The following MYO3A variants were observed in gnomAD, a reference collection of about 807,000 sequenced individuals.
MYO3A encodes myosin-IIIa.
Under a neutral mutation model 192.7 loss-of-function variants are expected in MYO3A, and 180 were observed. That is an observed-to-expected ratio of 0.93 (90% CI 0.83 to 1.06). The LOEUF (loss-of-function observed/expected upper bound fraction) is 1.06. MYO3A is among the 50% of genes least tolerant of loss of function. MYO3A has a pLI of 0.00. For missense variants in MYO3A, 1,896 were observed against 1,905.0 expected (o/e 1.00, Z 0.09); for synonymous variants, 628 against 645.3 (o/e 0.97, Z 0.41).
At position 26,153,941 on chromosome 10, in the gene MYO3A, C is replaced by G. The variant is rs1197870304; in HGVS notation, c.2715+12C>G. 1 of 1,552,260 alleles carries G rather than the reference C, an allele frequency of 6.4e-7. No homozygotes were observed. Among genetic ancestry groups the G allele is most frequent in the Non-Finnish European group, 8.9e-7 (1 of 1,124,690 alleles). ...TCAACCTGGCAAAGGTAAGAAAATG[C>G]TTTTTTTCTTGGCAGTGAGTCTAAG... On this transcript the variant is annotated intron_variant, in intron 24 of 34. Transcript: ENST00000642920.
chr10:25,988,055 C>A (rs987308590), intron 4 of MYO3A, among the ~76,000 whole-genome samples: 3 of 152,134 alleles, frequency 2.0e-5, no homozygotes, highest in Non-Finnish European at 4.4e-5. Context: ...TTCACAGCCA[C>A]CTGGATGGAA....
At chr10:26,177,274 A>G (rs1482934160) in intron 31 of MYO3A, among the ~76,000 whole-genome samples, 1 of 152,180 alleles carries the variant, frequency 6.6e-6, no homozygotes, top group African/African-American at 2.4e-5. Context: ...ATTGTTATTG[A>G]ACTTTTTTCT....
At chr10:25,943,083 A>G (rs1836605527) in intron 2 of MYO3A, among the ~76,000 whole-genome samples, 1 of 151,946 alleles carries the variant, frequency 6.6e-6, no homozygotes, top group South Asian at 2.1e-4. Flanking sequence ...TTTAGCTCAT[A>G]TGTTTAAGTC....
chr10:26,040,541 G>T (rs1452420653), intron 10 of MYO3A, among the ~76,000 whole-genome samples: 6 of 152,078 alleles, frequency 3.9e-5, no homozygotes, highest in Admixed American at 6.5e-5. Context: ...GTTATCTTTT[G>T]TTTCCGAAGT....
At chr10:26,179,380 G>C (rs569543103) in intron 31 of MYO3A, among the ~76,000 whole-genome samples, 1 of 152,082 alleles carries the variant, frequency 6.6e-6, no homozygotes, top group Admixed American at 6.5e-5. Flanking sequence ...TGGGATTACA[G>C]GCTTGAGCCA....
intron 17 of MYO3A, among the ~76,000 whole-genome samples, chr10:26,101,701 C>T (rs1387410612): frequency 6.6e-6 from 1 of 152,140 alleles, no homozygotes; most frequent in African/African-American, 2.4e-5. Context: ...AAATTCTTTT[C>T]TTTAAGAATT....
At chr10:25,963,619 C>T (rs1350719502) in intron 4 of MYO3A, among the ~76,000 whole-genome samples, 1 of 152,138 alleles carries the variant, frequency 6.6e-6, no homozygotes, top group African/African-American at 2.4e-5. Flanking sequence ...TTCCTTCTTC[C>T]CTTTGGCAGT....
At chr10:25,947,673 G>A (rs12267363) in intron 2 of MYO3A, among the ~76,000 whole-genome samples, 3,410 of 152,144 alleles carry the variant, frequency 0.022, 155 homozygotes, top group African/African-American at 0.078. Flanking sequence ...GATTACAGGC[G>A]TGAGCCACTG....
chr10:26,088,401 G>T lies in MYO3A; in HGVS notation c.1558G>T (p.Ala520Ser), dbSNP rs749333783. 1.9e-6 allele frequency: 3 copies of T among 1,612,694 alleles called. No homozygotes were observed. The highest frequency in any genetic ancestry group is 1.7e-4 in the Middle Eastern group (1 of 6,060). Residue 520 changes from alanine to serine, a missense_variant, in exon 15 of 35, where the codon GCT becomes TCT. Ala to Ser is a moderately conservative substitution (Grantham distance 99, BLOSUM62 1). Coordinates refer to ENST00000642920, the MANE Select transcript of MYO3A (RefSeq NM_017433.5). ...GGAAAAATCCCGAGTTATCCACCAA[G>T]CTATGTAAGTTTATTTCAAATCTCT... ...LLEKSRVIHQ[A>S]IGEKNFHIFY...
chr10:26,209,953 A>C (rs1299361501), intron 34 of MYO3A, among the ~76,000 whole-genome samples: 1 of 152,088 alleles, frequency 6.6e-6, no homozygotes, highest in African/African-American at 2.4e-5. Flanking sequence ...AAATAAAAAA[A>C]GGAGCCAGGC....
intron 4 of MYO3A, among the ~76,000 whole-genome samples, chr10:25,961,955 AGGC>A (rs1174216022): frequency 6.6e-6 from 1 of 152,170 alleles, no homozygotes; most frequent in Admixed American, 6.6e-5. Flanking sequence ...TAACAGTGCT[AGGC>A]TTTTAATGTG....
chr10:26,058,638 A>G lies in MYO3A; in HGVS notation c.954-8337A>G, dbSNP rs558823536. ...TTTATAGGAAGTCTTGAAATTGCACAGTGTCAGTCCTCCAGCTTTTTCTCC... is the reference window on the plus strand; with the variant it reads ...TTTATAGGAAGTCTTGAAATTGCACGGTGTCAGTCCTCCAGCTTTTTCTCC... On this transcript the variant is annotated intron_variant, in intron 10 of 34. Coordinates refer to ENST00000642920, the MANE Select transcript of MYO3A (RefSeq NM_017433.5). Among the ~76,000 whole-genome samples, 3 of 152,348 alleles carry G rather than the reference A, an allele frequency of 2.0e-5. No homozygotes were observed. In the South Asian group the frequency reaches 6.2e-4, roughly 32 times the overall value.
intron 23 of MYO3A, among the ~76,000 whole-genome samples, chr10:26,148,922 GAAGA>G (rs567447315): frequency 1.3e-3 from 199 of 152,156 alleles, no homozygotes; most frequent in African/African-American, 4.5e-3. Context: ...TGTTGTCTGT[GAAGA>G]AAGAGTTTTG....
intron 31 of MYO3A, among the ~76,000 whole-genome samples, chr10:26,188,336 GTTGT>G (rs1439010596): frequency 1.8e-4 from 28 of 152,242 alleles, no homozygotes; most frequent in African/African-American, 5.5e-4. Flanking sequence ...TTTTGATGGG[GTTGT>G]TTGTTTTTTT....
intron 10 of MYO3A, among the ~76,000 whole-genome samples, chr10:26,062,779 C>T (rs1209744675): frequency 6.6e-6 from 1 of 151,774 alleles, no homozygotes; most frequent in Non-Finnish European, 1.5e-5. Flanking sequence ...CAGCAAGCTA[C>T]ACAGGAAAGA....
At chr10:26,047,115 C>T (rs894449242) in intron 10 of MYO3A, among the ~76,000 whole-genome samples, 2 of 152,100 alleles carry the variant, frequency 1.3e-5, no homozygotes, top group African/African-American at 2.4e-5. Context: ...AATATTTGTA[C>T]ATTTTCTTGT....
Position 25,952,131 on chromosome 10 carries a change from A to G in MYO3A, c.21A>G (p.Lys7=). 1 of 1,611,714 alleles carries G rather than the reference A, an allele frequency of 6.2e-7. No homozygotes were observed. The highest frequency in any genetic ancestry group is 8.5e-7 in the Non-Finnish European group (1 of 1,178,352). The change falls in exon 3 of 35, where the codon AAA becomes AAG. Residue 7 remains lysine (K), a synonymous_variant. Transcript: ENST00000642920. ...TTGAGATGTTTCCATTAATTGGAAA[A>G]ACAATCATCTTTGATAACTTTCCTG... The part of the protein sequence containing the change: MFPLIG[K]TIIFDNFPDP...
chr10:26,077,336 G>A (rs763798280), intron 14 of MYO3A, among the ~76,000 whole-genome samples: 1 of 135,410 alleles, frequency 7.4e-6, no homozygotes, highest in Non-Finnish European at 1.5e-5. Context: ...TTACTGATTT[G>A]TATATATTAA....
rs397517294 is a variant in MYO3A, at chr10:26,176,757, T to C, written c.4350T>C (p.Ile1450=). ...FILQKKLNEM[I]LSQQLKSLYL... is the part of the protein sequence containing the mutation. ...TGCAGAAAAAATTGAATGAAATGAT[T>C]TTGTCACAGCAACTGAAGTCACTTT... Residue 1450 remains isoleucine, a synonymous_variant, in exon 31 of 35, where the codon ATT becomes ATC. Coordinates refer to ENST00000642920, the MANE Select transcript of MYO3A (RefSeq NM_017433.5). 37 of 1,612,254 alleles carry C rather than the reference T, an allele frequency of 2.3e-5. No individual in the cohort carries two copies. Among genetic ancestry groups the C allele is most frequent in the Admixed American group, 8.3e-5 (5 of 59,998 alleles).
Sources: gnomAD v4.1 joint callset for allele counts (sites outside exome capture counted in the v4.1 genomes callset) on GRCh38, gnomAD v4.1.1 for gene constraint, MANE v1.5 for transcripts, NCBI Gene and HGNC (gene_info 2026-07-23, HGNC 2026-07-21) for gene names.